Variants in ZNF169 observed in about 807,000 individuals in gnomAD.
ZNF169 encodes zinc finger protein 169.
A neutral mutation model predicts 12.0 loss-of-function variants in ZNF169; 11 were observed. That is an observed-to-expected ratio of 0.92 (90% confidence interval 0.58 to 1.52). The LOEUF (loss-of-function observed/expected upper bound fraction) is 1.52, where lower values mean the gene tolerates loss of function less well. Among genes scored for constraint, ZNF169 ranks in the 40% most tolerant of loss-of-function variants. ZNF169 has a pLI of 0.00. For synonymous variants in ZNF169, 302 were observed against 286.5 expected (o/e 1.05, Z -0.55); for missense variants, 722 against 744.0 (o/e 0.97, Z 0.34).
At chr9:94,262,174 C>A (rs1024060278) in intron 1 of ZNF169, among the ~76,000 whole-genome samples, 53 of 152,264 alleles carry the variant, frequency 3.5e-4, no homozygotes, top group Non-Finnish European at 6.3e-4. Context: ...TGAGATAGTT[C>A]TTTGAGGGGA....
chr9:94,290,210 GA>G (rs1830802367), intron 2 of ZNF169, among the ~76,000 whole-genome samples: 1 of 152,230 alleles, frequency 6.6e-6, no homozygotes, highest in South Asian at 2.1e-4. Flanking sequence ...AATAGGAACA[GA>G]GGAGAATCTT....
Position 94,299,912 on chromosome 9 carries a change from G to A in ZNF169, c.354G>A (p.Gln118=). 1.9e-6 allele frequency: 3 copies of A among 1,614,146 alleles called. No individual in the cohort carries two copies. Among genetic ancestry groups the A allele is most frequent in the Non-Finnish European group, 2.5e-6 (3 of 1,180,040 alleles). The change falls in exon 5 of 5, where the codon CAG becomes CAA. Residue 118 remains glutamine (Q), a synonymous_variant. Transcript: ENST00000395395. ...RQYALSGHPT[Q]IFPSSSAGGD... ...ATGCGCTAAGTGGCCATCCCACACA[G>A]ATCTTCCCAAGCTCATCTGCAGGAG...
intron 1 of ZNF169, among the ~76,000 whole-genome samples, chr9:94,261,011 C>T (rs1830196334): frequency 7.0e-6 from 1 of 143,572 alleles, no homozygotes; most frequent in Admixed American, 7.0e-5. Context: ...TTAGTAGAGA[C>T]GGGGTTTGTT....
chr9:94,288,234 G>C, intron 2 of ZNF169: 1 of 814,544 alleles, frequency 1.2e-6, no homozygotes, highest in Non-Finnish European at 2.2e-6. Flanking sequence ...TTCCCCCAGT[G>C]TTAGGTGAGA....
chr9:94,291,093 T>C (rs1435931116), intron 2 of ZNF169, among the ~76,000 whole-genome samples: 1 of 134,314 alleles, frequency 7.4e-6, no homozygotes, highest in Non-Finnish European at 1.6e-5. Context: ...TTTGCTCTGT[T>C]GCCCAGGCTG....
intron 1 of ZNF169, among the ~76,000 whole-genome samples, chr9:94,272,701 C>G (rs1050460251): frequency 2.6e-5 from 4 of 152,126 alleles, no homozygotes; most frequent in African/African-American, 9.7e-5. Context: ...ATGGATACAT[C>G]TGCTTCCAAT....
intron 2 of ZNF169, chr9:94,288,266 T>G (rs1830756502): frequency 6.2e-6 from 5 of 806,478 alleles, no homozygotes; most frequent in Non-Finnish European, 1.1e-5. Context: ...AAGGTCAGCT[T>G]CAGTTCACGT....
At chr9:94,275,670 T>C (rs1830504913) in intron 1 of ZNF169, among the ~76,000 whole-genome samples, 1 of 152,182 alleles carries the variant, frequency 6.6e-6, no homozygotes, top group Non-Finnish European at 1.5e-5. Context: ...CATTATCTTA[T>C]CAGTGATGTA....
intron 2 of ZNF169, among the ~76,000 whole-genome samples, chr9:94,286,675 G>A (rs1452692719): frequency 6.6e-6 from 1 of 152,192 alleles, no homozygotes; most frequent in Non-Finnish European, 1.5e-5. Context: ...GTGAGAATAT[G>A]ACAGAAGTCC....
intron 1 of ZNF169, among the ~76,000 whole-genome samples, chr9:94,270,727 T>TA (rs1830381720): frequency 6.3e-4 from 12 of 19,116 alleles, no homozygotes; most frequent in Admixed American, 2.9e-3. Flanking sequence ...TAATATTATA[T>TA]ATTATATAAT....
At chr9:94,263,834 T>G (rs1830245856) in intron 1 of ZNF169, among the ~76,000 whole-genome samples, 1 of 80,744 alleles carries the variant, frequency 1.2e-5, no homozygotes, top group African/African-American at 2.8e-5. Context: ...CCAATTGAAT[T>G]TTTTTTTTTT....
rs957882283 is a variant in ZNF169 at position 94,297,046 on chromosome 9, CAAAAT to C, written c.257-2749_257-2745del. ...CAGGCAACAGTGCGAGACTCCATCTCAAAATAAAATAAAATAAAATAAAAAATCCT... is the reference window on the plus strand; with the variant it reads ...CAGGCAACAGTGCGAGACTCCATCTCAAAATAAAATAAAATAAAAAATCCT... On this transcript the variant is annotated intron_variant, in intron 4 of 4. Coordinates refer to ENST00000395395, the MANE Select transcript of ZNF169 (RefSeq NM_194320.4). Among the ~76,000 whole-genome samples the C allele has an allele frequency of 3.9e-5, 6 of 151,924 alleles. No individual in the cohort carries two copies. In the East Asian group the frequency reaches 7.7e-4, roughly 20 times the overall value.
At chr9:94,288,657 T>C (rs1830766154) in intron 2 of ZNF169, 1 of 366,514 alleles carries the variant, frequency 2.7e-6, no homozygotes, top group Non-Finnish European at 5.3e-6. Flanking sequence ...TCTCACGAGA[T>C]CTGATAGTTT....
intron 4 of ZNF169, among the ~76,000 whole-genome samples, chr9:94,297,615 C>T (rs1192785985): frequency 2.0e-5 from 3 of 152,076 alleles, no homozygotes; most frequent in African/African-American, 7.2e-5. Context: ...ATCAATGATA[C>T]AAAGAGTTTT....
intron 4 of ZNF169, chr9:94,293,463 C>G: frequency 2.1e-6 from 1 of 471,436 alleles, no homozygotes; most frequent in Non-Finnish European, 3.8e-6. Context: ...GTCACCCAGG[C>G]TGGAGTGCAA....
intron 2 of ZNF169, among the ~76,000 whole-genome samples, chr9:94,290,264 A>C (rs1213799603): frequency 6.6e-6 from 1 of 152,238 alleles, no homozygotes; most frequent in Non-Finnish European, 1.5e-5. Flanking sequence ...TTTTGGTAAT[A>C]CATAACACAA....
chr9:94,284,841 A>G (rs1830695364), intron 2 of ZNF169, among the ~76,000 whole-genome samples: 1 of 152,204 alleles, frequency 6.6e-6, no homozygotes, highest in Non-Finnish European at 1.5e-5. Context: ...ATTTAGTTCA[A>G]TCAGAATTCC....
rs185192844 is a variant in ZNF169 at position 94,295,654 on chromosome 9, C to T, written c.256+2585C>T. The T allele has an allele frequency of 1.1e-3, 170 of 152,282 alleles. 1 individual carries two copies. The highest frequency in any genetic ancestry group is 3.5e-3 in the African/African-American group (144 of 41,560). The allele number at this position is 152,282 out of a possible 1,614,324, so 9.4% of individuals were successfully genotyped here. ...CTAGAATTTGTATAACTGGATTATA[C>T]AGGATACAACTGGATTCTTCACTCA... On this transcript the variant is annotated intron_variant, in intron 4 of 4. Transcript: ENST00000395395.
rs1554713547 is a variant in ZNF169 at position 94,270,829 on chromosome 9, A to AAT, written c.-55-7928_-55-7927insTA. Among the ~76,000 whole-genome samples the AAT allele has an allele frequency of 8.9e-4, 24 of 26,904 alleles. 2 individuals are homozygous for AAT. The highest frequency in any genetic ancestry group is 2.8e-3 in the African/African-American group (18 of 6,356). The allele number at this position is 26,904 out of a possible 152,430, so 17.7% of individuals were successfully genotyped here. ...ATATTATATTATATAAATATATATA[A>AAT]AATATATATATTATATTATATAAAT... On this transcript the variant is annotated intron_variant, in intron 1 of 4. Coordinates refer to ENST00000395395, the MANE Select transcript of ZNF169 (RefSeq NM_194320.4).
Sources: gnomAD v4.1 joint callset for allele counts (sites outside exome capture counted in the v4.1 genomes callset) on GRCh38, gnomAD v4.1.1 for gene constraint, MANE v1.5 for transcripts, NCBI Gene and HGNC (gene_info 2026-07-23, HGNC 2026-07-21) for gene names.